The following CTNNA2 variants were observed in gnomAD, a reference collection of about 807,000 sequenced individuals.
CTNNA2 encodes the protein catenin alpha-2.
CTNNA2 carries 42 observed loss-of-function variants against 101.0 expected under a neutral mutation model. The observed-to-expected ratio is 0.42, with a 90% CI of 0.32 to 0.54. The LOEUF is 0.54. CTNNA2 is among the 20% of genes least tolerant of loss of function. The pLI, the probability that CTNNA2 is intolerant of heterozygous loss-of-function variation, is 0.14. For synonymous variants in CTNNA2, 450 were observed against 456.4 expected (o/e 0.99, Z 0.18); for missense variants, 871 against 1,223.1 (o/e 0.71, Z 4.29).
chr2:79,359,558 C>A (rs966839989), intron 3 of CTNNA2, among the ~76,000 whole-genome samples: 2 of 152,142 alleles, frequency 1.3e-5, no homozygotes, highest in African/African-American at 4.8e-5. Context: ...AGCAAGAAGG[C>A]TCATGCTGAA....
intron 7 of CTNNA2, among the ~76,000 whole-genome samples, chr2:80,149,016 T>C (rs1445539389): frequency 1.4e-5 from 2 of 141,870 alleles, no homozygotes; most frequent in Non-Finnish European, 1.5e-5. Flanking sequence ...TTCTGACTTA[T>C]TTTGTTATTT....
intron 2 of CTNNA2, among the ~76,000 whole-genome samples, chr2:79,723,522 C>T (rs975337508): frequency 3.9e-5 from 6 of 152,292 alleles, no homozygotes; most frequent in African/African-American, 1.4e-4. Flanking sequence ...TACTCTGGTT[C>T]TATGCAGAAG....
intron 3 of CTNNA2, among the ~76,000 whole-genome samples, chr2:79,343,057 T>C (rs1168335840): frequency 2.6e-5 from 4 of 152,194 alleles, no homozygotes; most frequent in Non-Finnish European, 5.9e-5. Flanking sequence ...GGGAAAATAA[T>C]TGCAGCTGTG....
At chr2:79,268,027 T>G (rs552851136) in intron 2 of CTNNA2, among the ~76,000 whole-genome samples, 1 of 152,182 alleles carries the variant, frequency 6.6e-6, no homozygotes, top group South Asian at 2.1e-4. Context: ...TGCAGAAGAT[T>G]CCCTTCTCAA....
At chr2:80,077,106 A>G (rs1698807626) in intron 7 of CTNNA2, among the ~76,000 whole-genome samples, 1 of 152,184 alleles carries the variant, frequency 6.6e-6, no homozygotes, top group Admixed American at 6.5e-5. Flanking sequence ...AAAAAGCTTG[A>G]TAATGCCAAG....
At chr2:79,805,625 T>C (rs1204118753) in intron 3 of CTNNA2, among the ~76,000 whole-genome samples, 1 of 152,158 alleles carries the variant, frequency 6.6e-6, no homozygotes, top group Non-Finnish European at 1.5e-5. Flanking sequence ...TTTTGCTGAG[T>C]GCAGTGAAGA....
intron 2 of CTNNA2, among the ~76,000 whole-genome samples, chr2:79,740,044 A>C (rs894390679): frequency 6.6e-6 from 1 of 152,150 alleles, no homozygotes; most frequent in African/African-American, 2.4e-5. Flanking sequence ...TCAGAGGTAC[A>C]TGTGCAGGTT....
intron 9 of CTNNA2, among the ~76,000 whole-genome samples, chr2:80,425,753 A>T (rs187528870): frequency 6.6e-6 from 1 of 152,092 alleles, no homozygotes; most frequent in African/African-American, 2.4e-5. Flanking sequence ...CAAGTTTGAC[A>T]TTCATAAAAA....
rs530312051 is a variant in CTNNA2 at position 80,024,050 on chromosome 2, G to A, written c.1056+114253G>A. ...TGCAGTGAGCCAAGATGGCGCCACT[G>A]CACTTCAGCCTGGGCGACAGAGCGA... On this transcript the variant is annotated intron_variant, in intron 7 of 18. Transcript: ENST00000402739. Among the ~76,000 whole-genome samples, 57 of 144,710 alleles carry A rather than the reference G, an allele frequency of 3.9e-4. 2 individuals carry two copies. The South Asian group carries it at 0.012, about 31-fold the overall frequency. 94.9% of individuals were successfully genotyped at this position (144,710 alleles called of 152,430 possible).
intron 9 of CTNNA2, among the ~76,000 whole-genome samples, chr2:80,463,742 AC>A (rs1482269554): frequency 6.6e-6 from 1 of 152,188 alleles, no homozygotes; most frequent in Non-Finnish European, 1.5e-5. Context: ...CAGTCAATAA[AC>A]CAAGCTCAGA....
intron 1 of CTNNA2, among the ~76,000 whole-genome samples, chr2:79,526,734 G>A (rs1672427815): frequency 6.6e-6 from 1 of 152,046 alleles, no homozygotes; most frequent in Admixed American, 6.6e-5. Flanking sequence ...GGAAAGAATA[G>A]TTATTTAAAC....
chr2:79,273,253 T>C (rs958636677), intron 2 of CTNNA2, among the ~76,000 whole-genome samples: 2 of 152,094 alleles, frequency 1.3e-5, no homozygotes, highest in African/African-American at 4.8e-5. Context: ...ATAGGCATTA[T>C]TATCATCTCC....
At chr2:79,424,416 C>T (rs1334876822) in intron 4 of CTNNA2, among the ~76,000 whole-genome samples, 1 of 152,086 alleles carries the variant, frequency 6.6e-6, no homozygotes, top group African/African-American at 2.4e-5. Flanking sequence ...CATAGCAGAG[C>T]AGGATTGTCA....
intron 8 of CTNNA2, among the ~76,000 whole-genome samples, chr2:80,414,358 C>A (rs999597104): frequency 2.0e-5 from 3 of 152,176 alleles, no homozygotes; most frequent in African/African-American, 7.2e-5. Flanking sequence ...AACTCTTCAC[C>A]TTTTAATTAT....
At chr2:79,828,075 A>G (rs1365991889) in intron 3 of CTNNA2, among the ~76,000 whole-genome samples, 1 of 152,240 alleles carries the variant, frequency 6.6e-6, no homozygotes, top group African/African-American at 2.4e-5. Flanking sequence ...ATTGCGAAAT[A>G]GAGTATAAGC....
rs150775453 is a variant in CTNNA2, at chr2:79,288,719, C to T, written c.-405-23990C>T. Among the ~76,000 whole-genome samples, 3 of 152,258 alleles carry T rather than the reference C, an allele frequency of 2.0e-5. No homozygotes were observed. In the East Asian group the frequency reaches 5.8e-4, roughly 29 times the overall value. ...GGGAGAGAAATTAGAGGTTGCCAGT[C>T]TCTTACACCTGGGCCCAGAAGTTGG... On this transcript the variant is annotated intron_variant, in intron 2 of 21. Transcript: ENST00000466387.
chr2:79,409,002 G>A (rs35647333), intron 4 of CTNNA2, among the ~76,000 whole-genome samples: 9 of 151,304 alleles, frequency 5.9e-5, no homozygotes, highest in Admixed American at 2.6e-4. Context: ...TAACTGGTGT[G>A]AGATGGTATC....
chr2:79,733,836 G>C (rs1172416948), intron 2 of CTNNA2, among the ~76,000 whole-genome samples: 2 of 152,018 alleles, frequency 1.3e-5, no homozygotes, highest in African/African-American at 4.8e-5. Context: ...CTTAAAGAAA[G>C]AAAATGTCAA....
chr2:80,184,553 G>C (rs1343118305), intron 7 of CTNNA2, among the ~76,000 whole-genome samples: 1 of 152,180 alleles, frequency 6.6e-6, no homozygotes, highest in African/African-American at 2.4e-5. Context: ...TTAATACTGT[G>C]AGTTTCATAC....
Sources: gnomAD v4.1 joint callset for allele counts (sites outside exome capture counted in the v4.1 genomes callset) on GRCh38, gnomAD v4.1.1 for gene constraint, MANE v1.5 for transcripts, NCBI Gene and HGNC (gene_info 2026-07-23, HGNC 2026-07-21) for gene names.